Variants in PTPRT observed in about 807,000 individuals in gnomAD.
The protein encoded by PTPRT is protein tyrosine phosphatase receptor type T.
Under a neutral mutation model 176.8 loss-of-function variants are expected in PTPRT, and 56 were observed. That is an observed-to-expected ratio of 0.32 (90% CI 0.26 to 0.40). PTPRT has a LOEUF of 0.40. Among genes scored for constraint, PTPRT ranks in the 10% least tolerant of loss-of-function variants. The probability of loss-of-function intolerance (pLI) is 1.00; values close to 1 mark genes in which losing one functional copy is unlikely to be tolerated. For missense variants in PTPRT, 1,540 were observed against 1,908.2 expected (o/e 0.81, Z 3.60); for synonymous variants, 783 against 739.0 (o/e 1.06, Z -0.96).
rs1986964697 is a variant in PTPRT at position 43,049,406 on chromosome 20, T to C, written c.88+140240A>G. Among the ~76,000 whole-genome samples the C allele has an allele frequency of 2.0e-5, 3 of 152,216 alleles. No homozygotes were observed. In the South Asian group the frequency reaches 6.2e-4, roughly 32 times the overall value. The stretch of plus-strand genomic sequence containing the variant: ...TGAAAGCTCAAAACACAAAGCCATC[T>C]CTCTACTTCAACATCTGAAAAATAC... On this transcript the variant is annotated intron_variant, in intron 1 of 30. Transcript: ENST00000373187.
At chr20:42,702,146 C>T (rs994781632) in intron 6 of PTPRT, among the ~76,000 whole-genome samples, 2 of 152,136 alleles carry the variant, frequency 1.3e-5, no homozygotes, top group Non-Finnish European at 2.9e-5. Context: ...CTGTTCCACC[C>T]TCATGAGTAT....
At chr20:42,151,126 ATTTT>A (rs11468504) in intron 17 of PTPRT, among the ~76,000 whole-genome samples, 19 of 143,932 alleles carry the variant, frequency 1.3e-4, no homozygotes, top group African/African-American at 4.5e-4. Flanking sequence ...AACATCAAGG[ATTTT>A]TTTTTTTTTT....
intron 12 of PTPRT, among the ~76,000 whole-genome samples, chr20:42,306,768 G>A (rs1254926404): frequency 6.6e-6 from 1 of 152,160 alleles, no homozygotes; most frequent in African/African-American, 2.4e-5. Flanking sequence ...GGAGCACATT[G>A]AGTTTCAGGC....
At chr20:42,033,940 C>T in the PTPRT span, among the ~76,000 whole-genome samples, 1 of 152,158 alleles carries the variant, frequency 6.6e-6, no homozygotes, top group Non-Finnish European at 1.5e-5. Flanking sequence ...TAATTATGGT[C>T]CCAGAGCCCT....
At chr20:43,009,608 A>C (rs1450645043) in intron 1 of PTPRT, among the ~76,000 whole-genome samples, 1 of 152,230 alleles carries the variant, frequency 6.6e-6, no homozygotes, top group Non-Finnish European at 1.5e-5. Flanking sequence ...ACTTGGAGGC[A>C]GGCTGAAGCA....
intron 1 of PTPRT, among the ~76,000 whole-genome samples, chr20:43,188,984 C>A (rs2015469070): frequency 6.6e-6 from 1 of 152,182 alleles, no homozygotes; most frequent in Non-Finnish European, 1.5e-5. Flanking sequence ...GCTCACGGGT[C>A]AAATCCACTC....
chr20:42,060,518 G>C, the PTPRT span, among the ~76,000 whole-genome samples: 1 of 152,156 alleles, frequency 6.6e-6, no homozygotes, highest in Non-Finnish European at 1.5e-5. Flanking sequence ...GTGAATCATG[G>C]GGGCAAGTCT....
chr20:42,713,404 G>A (rs1031133151), intron 6 of PTPRT, among the ~76,000 whole-genome samples: 5 of 152,112 alleles, frequency 3.3e-5, no homozygotes, highest in Admixed American at 1.3e-4. Context: ...AGATGCTGAC[G>A]AATCTCAAGT....
intron 9 of PTPRT, among the ~76,000 whole-genome samples, chr20:42,364,242 T>C (rs2058484061): frequency 6.6e-6 from 1 of 152,178 alleles, no homozygotes; most frequent in African/African-American, 2.4e-5. Flanking sequence ...TCACACATTC[T>C]GGGCCAGTGC....
At chr20:42,863,095 C>T (rs974507620) in intron 2 of PTPRT, among the ~76,000 whole-genome samples, 3 of 152,172 alleles carry the variant, frequency 2.0e-5, no homozygotes, top group South Asian at 2.1e-4. Context: ...TAGATGGTAA[C>T]AGGTTGGTGA....
chr20:42,649,714 A>G (rs1173233940), intron 7 of PTPRT, among the ~76,000 whole-genome samples: 1 of 152,158 alleles, frequency 6.6e-6, no homozygotes, highest in Admixed American at 6.5e-5. Context: ...TTACTGCAAA[A>G]AGTGTTTGCT....
intron 1 of PTPRT, among the ~76,000 whole-genome samples, chr20:43,069,272 G>A (rs192513307): frequency 6.6e-5 from 10 of 152,300 alleles, no homozygotes; most frequent in Admixed American, 6.5e-4. Flanking sequence ...GCATCCAGCT[G>A]GGACACTTCG....
rs143454474 is a variant in PTPRT, at chr20:42,792,858, G to A, written c.215-1392C>T. ...TCAAACCCTGTCTCCTTCAGGTTCT[G>A]AGTGAATTTAAAAACAGACATGAGA... is the stretch of plus-strand genomic sequence containing the variant. On this transcript the variant is annotated intron_variant, in intron 2 of 30. Transcript: ENST00000373187. Among the ~76,000 whole-genome samples, 544 of 152,286 alleles carry A rather than the reference G, an allele frequency of 3.6e-3. 3 individuals are homozygous for A. The highest frequency in any genetic ancestry group is 0.011 in the African/African-American group (468 of 41,562).
intron 1 of PTPRT, among the ~76,000 whole-genome samples, chr20:43,026,909 C>T (rs1015280983): frequency 7.9e-5 from 12 of 152,270 alleles, no homozygotes; most frequent in Non-Finnish European, 1.5e-4. Context: ...GTATCTCATT[C>T]TTTTTTATGG....
At chr20:42,675,804 T>C (rs1360195110) in intron 7 of PTPRT, among the ~76,000 whole-genome samples, 2 of 152,188 alleles carry the variant, frequency 1.3e-5, no homozygotes, top group African/African-American at 4.8e-5. Context: ...TTTTATTTTC[T>C]TAGGTGAGAA....
At position 43,087,363 on chromosome 20, in the gene PTPRT, CTTT is replaced by C. The variant is rs1207811758; in HGVS notation, c.88+102280_88+102282del. ...TTCGTCACTGTTCACACTGTCCGTC[CTTT>C]TTTTTTTTTTTTTTTTTTTTTTCTC... On this transcript the variant is annotated intron_variant, in intron 1 of 30. Transcript: ENST00000373187. Among the ~76,000 whole-genome samples, 96 of 50,358 alleles carry C rather than the reference CTTT, an allele frequency of 1.9e-3. 1 individual carries two copies. The highest frequency in any genetic ancestry group is 4.3e-3 in the African/African-American group (94 of 21,918). 33.0% of individuals were successfully genotyped at this position (50,358 alleles called of 152,430 possible).
the PTPRT span, among the ~76,000 whole-genome samples, chr20:42,044,141 G>T: frequency 6.6e-6 from 1 of 152,198 alleles, no homozygotes; most frequent in Non-Finnish European, 1.5e-5. Flanking sequence ...TGGGGTGGTT[G>T]TTTCCCAGAA....
chr20:42,940,514 G>A (rs76024118), intron 1 of PTPRT, among the ~76,000 whole-genome samples: 1 of 152,214 alleles, frequency 6.6e-6, no homozygotes, highest in East Asian at 1.9e-4. Context: ...GAAAATCAGA[G>A]ATGAAGTTGA....
At chr20:42,712,619 G>A (rs1344677326) in intron 6 of PTPRT, among the ~76,000 whole-genome samples, 1 of 152,116 alleles carries the variant, frequency 6.6e-6, no homozygotes, top group East Asian at 1.9e-4. Flanking sequence ...AAGAGAAATG[G>A]AAAAGTGATA....
Sources: allele counts gnomAD v4.1 joint callset (sites outside exome capture counted in the v4.1 genomes callset), GRCh38; gene constraint gnomAD v4.1.1; transcripts MANE v1.5; gene names NCBI Gene and HGNC (gene_info 2026-07-23, HGNC 2026-07-21).